ARL13B: variants seen among roughly 807,000 people sequenced by gnomAD.
ARL13B encodes ARF like GTPase 13B, also known as ADP-ribosylation factor-like protein 13B.
In ARL13B, 36 loss-of-function variants were observed where a neutral mutation model predicts 56.1. That is an observed-to-expected ratio of 0.64 (90% CI 0.49 to 0.85). The LOEUF (loss-of-function observed/expected upper bound fraction) is 0.85. ARL13B is among the 40% of genes least tolerant of loss of function. The pLI is 0.00. For synonymous variants in ARL13B, 178 were observed against 171.1 expected (o/e 1.04, Z -0.32); for missense variants, 519 against 507.1 (o/e 1.02, Z -0.23).
At chr3:94,039,004 A>G (rs2076817632) in intron 5 of ARL13B, among the ~76,000 whole-genome samples, 1 of 152,190 alleles carries the variant, frequency 6.6e-6, no homozygotes, top group Admixed American at 6.5e-5. Flanking sequence ...TTCAAATATG[A>G]TACACAACTT....
chr3:94,052,851 TAAG>T (rs1195926946), intron 9 of ARL13B, among the ~76,000 whole-genome samples: 3 of 152,148 alleles, frequency 2.0e-5, no homozygotes, highest in African/African-American at 7.2e-5. Context: ...GTAGTCAAAG[TAAG>T]AAGTAAGGAA....
At chr3:94,033,076 G>A (rs917851590) in intron 3 of ARL13B, among the ~76,000 whole-genome samples, 4 of 152,154 alleles carry the variant, frequency 2.6e-5, no homozygotes, top group African/African-American at 9.7e-5. Context: ...TTCCAGCAAC[G>A]TGGATGGAGC....
intron 1 of ARL13B, among the ~76,000 whole-genome samples, chr3:93,994,895 T>C (rs2075939357): frequency 6.6e-6 from 1 of 152,062 alleles, no homozygotes. Flanking sequence ...GCCATTTAAA[T>C]TCTGTTTTCA....
intron 5 of ARL13B, among the ~76,000 whole-genome samples, chr3:94,037,612 C>T (rs1472017985): frequency 6.6e-6 from 1 of 151,984 alleles, no homozygotes; most frequent in Non-Finnish European, 1.5e-5. Context: ...GTTTTAGTTC[C>T]TGTGAGAATA....
chr3:94,008,793 T>C (rs1169536999), intron 3 of ARL13B, among the ~76,000 whole-genome samples: 1 of 152,070 alleles, frequency 6.6e-6, no homozygotes, highest in Admixed American at 6.6e-5. Context: ...GGGTAACAAT[T>C]CTATTTGTAT....
At chr3:93,998,969 C>T (rs2076010446) in intron 2 of ARL13B, among the ~76,000 whole-genome samples, 1 of 149,300 alleles carries the variant, frequency 6.7e-6, no homozygotes, top group African/African-American at 2.5e-5. Flanking sequence ...AAAAAGTTAT[C>T]TGCTAGTTTC....
At chr3:94,040,689 T>G (rs2076846392) in intron 6 of ARL13B, among the ~76,000 whole-genome samples, 1 of 151,468 alleles carries the variant, frequency 6.6e-6, no homozygotes, top group Admixed American at 6.6e-5. Flanking sequence ...CTGGAAGGTT[T>G]TTTTTTTTTT....
At chr3:94,013,566 C>A (rs966565655) in intron 3 of ARL13B, among the ~76,000 whole-genome samples, 3 of 152,176 alleles carry the variant, frequency 2.0e-5, no homozygotes, top group Non-Finnish European at 2.9e-5. Flanking sequence ...GATTCAGCTC[C>A]CAGTTACAAA....
intron 3 of ARL13B, among the ~76,000 whole-genome samples, chr3:94,009,074 A>AGATAGATAGAT (rs2076179356): frequency 7.0e-6 from 1 of 143,868 alleles, no homozygotes; most frequent in African/African-American, 2.6e-5. Context: ...AGGAGCAGTA[A>AGATAGATAGAT]AGATAGATAG....
chr3:94,008,875 G>T (rs144694711), intron 3 of ARL13B, among the ~76,000 whole-genome samples: 1 of 152,070 alleles, frequency 6.6e-6, no homozygotes, highest in Non-Finnish European at 1.5e-5. Flanking sequence ...GGAGTTACAT[G>T]AACTACCTTA....
intron 1 of ARL13B, among the ~76,000 whole-genome samples, chr3:93,986,954 A>G (rs1335889346): frequency 6.6e-6 from 1 of 152,154 alleles, no homozygotes; most frequent in African/African-American, 2.4e-5. Context: ...CCTGGGTGAC[A>G]GAATGAGACT....
intron 3 of ARL13B, among the ~76,000 whole-genome samples, chr3:94,006,149 A>T (rs2076130601): frequency 6.6e-6 from 1 of 152,076 alleles, no homozygotes; most frequent in Non-Finnish European, 1.5e-5. Flanking sequence ...AAAATATAAA[A>T]AATTAGCCGG....
intron 1 of ARL13B, among the ~76,000 whole-genome samples, chr3:93,993,609 G>A (rs749896028): frequency 1.3e-5 from 2 of 152,040 alleles, no homozygotes; most frequent in Non-Finnish European, 2.9e-5. Flanking sequence ...TAAATGCTAC[G>A]TTATCCATCT....
chr3:94,033,727 A>T (rs1576022637), intron 3 of ARL13B, among the ~76,000 whole-genome samples: 2 of 152,324 alleles, frequency 1.3e-5, no homozygotes, highest in East Asian at 3.9e-4. Context: ...ATTTTATACC[A>T]CCAAAATAGG....
At chr3:94,018,854 C>T (rs1179976072) in intron 3 of ARL13B, among the ~76,000 whole-genome samples, 2 of 152,114 alleles carry the variant, frequency 1.3e-5, no homozygotes, top group South Asian at 2.1e-4. Context: ...CAACCTCCGC[C>T]GTCCGGGTTC....
chr3:94,006,083 G>A (rs757942390), intron 3 of ARL13B, among the ~76,000 whole-genome samples: 3 of 152,056 alleles, frequency 2.0e-5, no homozygotes, highest in Non-Finnish European at 2.9e-5. Flanking sequence ...GGCAGATCAC[G>A]AGGTCAGGAG....
intron 7 of ARL13B, among the ~76,000 whole-genome samples, chr3:94,045,471 G>GA (rs1263637081): frequency 7.0e-6 from 1 of 142,492 alleles, no homozygotes; most frequent in Non-Finnish European, 1.5e-5. Context: ...AAGAAAGAAA[G>GA]AAAAAAAAGA....
chr3:93,999,710 C>A (rs192843606), intron 2 of ARL13B, among the ~76,000 whole-genome samples: 51 of 152,230 alleles, frequency 3.4e-4, no homozygotes, highest in African/African-American at 1.2e-3. Context: ...AAAAGTAACA[C>A]CCCTTCCTGG....
chr3:94,019,324 G>A (rs547971338), intron 3 of ARL13B, among the ~76,000 whole-genome samples: 2 of 152,196 alleles, frequency 1.3e-5, no homozygotes, highest in East Asian at 3.9e-4. Flanking sequence ...AGCCTCCCGA[G>A]TAGCTGGGAC....
Sources: gnomAD v4.1 joint callset for allele counts (sites outside exome capture counted in the v4.1 genomes callset) on GRCh38, gnomAD v4.1.1 for gene constraint, MANE v1.5 for transcripts, NCBI Gene and HGNC (gene_info 2026-07-23, HGNC 2026-07-21) for gene names.